The following MCMBP variants were observed in gnomAD, a reference collection of about 807,000 sequenced individuals.
The protein encoded by MCMBP is mini-chromosome maintenance complex-binding protein.
MCMBP carries 31 observed loss-of-function variants against 81.3 expected under a neutral mutation model. The ratio of observed to expected loss-of-function variants is 0.38; its 90% CI spans 0.29 to 0.51. The LOEUF (loss-of-function observed/expected upper bound fraction) is 0.51, where lower values mean the gene tolerates loss of function less well. MCMBP is among the 20% of genes least tolerant of loss of function. The pLI is 0.87. For synonymous variants in MCMBP, 267 were observed against 275.9 expected, an observed-to-expected ratio of 0.97 and a Z score of 0.32; for missense variants, 645 against 772.1, an observed-to-expected ratio of 0.84 and a Z score of 1.95.
chr10:119,843,376 T>C lies in MCMBP; in HGVS notation c.878A>G (p.Glu293Gly). Reference protein sequence around the residue: ...DPMECTDTAEEQRVHSPPASL... With the variant: ...DPMECTDTAEGQRVHSPPASL... ...AGCAGGAGGACTGTGTACTCTCTGC[T>C]CCTCTGCTGTGTCTGTGCACTCCAT... The change falls in exon 9 of 16, where the codon GAG (glutamate) becomes GGG (glycine). Residue 293 changes from glutamate to glycine, a missense_variant. Transcript: ENST00000369077. 6.2e-7 allele frequency: 1 copy of C among 1,614,074 alleles called. No homozygotes were observed. The highest frequency in any genetic ancestry group is 8.5e-7 in the Non-Finnish European group (1 of 1,179,950).
chr10:119,870,734 A>G (rs766119629), intron 1 of MCMBP, among the ~76,000 whole-genome samples: 7 of 152,348 alleles, frequency 4.6e-5, no homozygotes, highest in Non-Finnish European at 8.8e-5. Flanking sequence ...TAATGCTGTT[A>G]TAATAAAGAT....
intron 6 of MCMBP, among the ~76,000 whole-genome samples, chr10:119,850,385 A>T (rs1339193880): frequency 2.0e-5 from 3 of 152,144 alleles, no homozygotes; most frequent in African/African-American, 4.8e-5. Context: ...GCAACATGAG[A>T]GATCTGGGTA....
intron 9 of MCMBP, 166 bp from the exon 10 acceptor site, chr10:119,842,761 ATCC>A (rs1852477935): frequency 2.8e-6 from 2 of 715,858 alleles, no homozygotes. Flanking sequence ...GGCAGTTTGC[ATCC>A]TCCTTTTTTT....
At chr10:119,846,785 C>T (rs530660599) in intron 8 of MCMBP, among the ~76,000 whole-genome samples, 1 of 152,250 alleles carries the variant, frequency 6.6e-6, no homozygotes, top group Non-Finnish European at 1.5e-5. Context: ...TGCTCTCTAC[C>T]ACGTGAGAAG....
rs1853152402 is a variant in MCMBP, at chr10:119,859,067, T to C, written c.259A>G (p.Thr87Ala). ...DPEFYMGVYE[T>A]VNQNTKAHVL... is the part of the protein sequence containing the mutation. ...TGTGCTTTTGTGTTTTGGTTAACCGTTTCATAAACTCCCATGTAAAACTCA... is the reference window on the plus strand; with the variant it reads ...TGTGCTTTTGTGTTTTGGTTAACCGCTTCATAAACTCCCATGTAAAACTCA... Residue 87 changes from threonine (T) to alanine (A), a missense_variant, in exon 3 of 16, where the codon ACG becomes GCG. Physicochemically the swap from Thr to Ala is moderately conservative, Grantham distance 58. Transcript: ENST00000369077. The C allele has an allele frequency of 1.9e-6, 3 of 1,613,594 alleles. No homozygotes were observed. The highest frequency in any genetic ancestry group is 1.3e-5 in the African/African-American group (1 of 74,900).
At chr10:119,846,499 T>C (rs1429881144) in intron 8 of MCMBP, among the ~76,000 whole-genome samples, 3 of 152,232 alleles carry the variant, frequency 2.0e-5, no homozygotes, top group Admixed American at 6.5e-5. Context: ...TGGATATTTA[T>C]GTCCCCAAGT....
At chr10:119,837,598 C>T (rs1206350589) in intron 12 of MCMBP, among the ~76,000 whole-genome samples, 1 of 152,106 alleles carries the variant, frequency 6.6e-6, no homozygotes, top group Non-Finnish European at 1.5e-5. Context: ...TCTCTGAAAA[C>T]CATTTACAAA....
intron 1 of MCMBP, among the ~76,000 whole-genome samples, chr10:119,872,147 G>A (rs2134419990): frequency 6.6e-6 from 1 of 152,296 alleles, no homozygotes; most frequent in East Asian, 1.9e-4. Context: ...CCTCCCCGCG[G>A]CTCTGCGGGC....
intron 1 of MCMBP, among the ~76,000 whole-genome samples, chr10:119,871,264 C>G (rs188329370): frequency 5.3e-4 from 80 of 152,134 alleles, no homozygotes; most frequent in African/African-American, 1.9e-3. Context: ...TTCTAGAATT[C>G]TTATGAACAT....
intron 1 of MCMBP, among the ~76,000 whole-genome samples, chr10:119,862,521 T>C (rs953976082): frequency 5.9e-5 from 9 of 152,242 alleles, no homozygotes; most frequent in Non-Finnish European, 1.3e-4. Flanking sequence ...CACATTTGTA[T>C]ATCAATACTT....
intron 5 of MCMBP, among the ~76,000 whole-genome samples, chr10:119,856,925 C>A (rs908670657): frequency 2.6e-5 from 4 of 151,690 alleles, no homozygotes; most frequent in African/African-American, 7.3e-5. Context: ...ACAAAGTGAA[C>A]CCTGTTCCTA....
chr10:119,858,772 G>T, intron 4 of MCMBP, 112 bp downstream of exon 4: 1 of 833,974 alleles, frequency 1.2e-6, no homozygotes, highest in Non-Finnish European at 1.9e-6. Flanking sequence ...CATTTCACAT[G>T]ATTTCTTGTA....
At chr10:119,838,245 GAT>G (rs1455320665) in intron 12 of MCMBP, among the ~76,000 whole-genome samples, 3 of 147,156 alleles carry the variant, frequency 2.0e-5, no homozygotes, top group Non-Finnish European at 4.5e-5. Context: ...TATAATATAT[GAT>G]ATATATTAAA....
chr10:119,853,316 T>A, intron 5 of MCMBP, 122 bp from the exon 6 acceptor site: 2 of 1,001,024 alleles, frequency 2.0e-6, no homozygotes, highest in Non-Finnish European at 2.9e-6. Context: ...TGCATTTTCA[T>A]AAAAGGAGGC....
At chr10:119,870,896 T>C (rs73355899) in intron 1 of MCMBP, among the ~76,000 whole-genome samples, 15 of 152,328 alleles carry the variant, frequency 9.8e-5, no homozygotes, top group African/African-American at 2.9e-4. Context: ...ATCCACATAA[T>C]TTATAAAATA....
At chr10:119,849,126 C>G (rs1046030931) in intron 7 of MCMBP, among the ~76,000 whole-genome samples, 12 of 152,054 alleles carry the variant, frequency 7.9e-5, no homozygotes, top group Non-Finnish European at 1.6e-4. Flanking sequence ...CAGACAAATG[C>G]AATGTTGCTG....
chr10:119,851,017 C>T lies in MCMBP; in HGVS notation c.575-1441G>A, dbSNP rs373693792. On this transcript the variant is annotated intron_variant, in intron 6 of 15. Coordinates refer to ENST00000369077, the MANE Select transcript of MCMBP (RefSeq NM_001256378.2). ...TCTCCCAAGTAGCTGGGATTACAGG[C>T]GTGCACCACCATGCCCAGCTAATTT... is the stretch of plus-strand genomic sequence containing the variant. Among the ~76,000 whole-genome samples the T allele has an allele frequency of 4.8e-4, 73 of 151,474 alleles. No individual in the cohort carries two copies. The East Asian group carries it at 0.011, about 22-fold the overall frequency.
At chr10:119,845,659 A>G (rs1852592218) in intron 8 of MCMBP, among the ~76,000 whole-genome samples, 1 of 152,186 alleles carries the variant, frequency 6.6e-6, no homozygotes, top group Non-Finnish European at 1.5e-5. Flanking sequence ...ACTGAAGGGG[A>G]AGAAAAGTTA....
intron 14 of MCMBP, among the ~76,000 whole-genome samples, chr10:119,833,492 GAAAAA>G (rs1200623402): frequency 6.7e-6 from 1 of 149,166 alleles, no homozygotes; most frequent in East Asian, 2.0e-4. Flanking sequence ...AAAAAAGAAA[GAAAAA>G]AAAAGAAAAG....
Sources: allele counts gnomAD v4.1 joint callset (sites outside exome capture counted in the v4.1 genomes callset), GRCh38; gene constraint gnomAD v4.1.1; transcripts MANE v1.5; gene names NCBI Gene and HGNC (gene_info 2026-07-23, HGNC 2026-07-21).